Variants in RPS3 observed in about 807,000 individuals in gnomAD.
The protein encoded by RPS3 is ribosomal protein S3.
A neutral mutation model predicts 25.8 loss-of-function variants in RPS3; 2 were observed. The observed-to-expected ratio is 0.08, with a 90% confidence interval of 0.03 to 0.24. The LOEUF (loss-of-function observed/expected upper bound fraction) is 0.24. RPS3 is among the 10% of genes least tolerant of loss of function. The pLI, the probability that RPS3 is intolerant of heterozygous loss-of-function variation, is 1.00. For synonymous variants in RPS3, 114 were observed against 114.2 expected (o/e 1.00, Z 0.01); for missense variants, 107 against 307.1 (o/e 0.35, Z 4.87).
In RPS3 at chr11:75,401,620, T is replaced by A. The variant is rs778912297; in HGVS notation, c.162-20T>A. 2.6e-6 allele frequency: 4 copies of A among 1,527,812 alleles called. No individual in the cohort carries two copies. Among genetic ancestry groups the A allele is most frequent in the Non-Finnish European group, 3.6e-6 (4 of 1,101,426 alleles). 94.6% of individuals were successfully genotyped at this position (1,527,812 alleles called of 1,614,324 possible). ...ATCTAGCATTTGTGAGAATCTTGAATTGTCACTTTTCCCCCCCAGAACACA... is the reference window on the plus strand; with the variant it reads ...ATCTAGCATTTGTGAGAATCTTGAAATGTCACTTTTCCCCCCCAGAACACA... On this transcript the variant is annotated intron_variant, in intron 2 of 6. Coordinates refer to ENST00000531188, the MANE Select transcript of RPS3 (RefSeq NM_001005.5).
chr11:75,401,539 A>G, intron 2 of RPS3, 101 bp from the exon 3 acceptor site: 1 of 838,872 alleles, frequency 1.2e-6, no homozygotes, highest in Non-Finnish European at 1.9e-6. Context: ...AATGAAAATT[A>G]TATGCTTTGT....
At chr11:75,416,437 C>G (rs565016638) in intron 6 of RPS3, among the ~76,000 whole-genome samples, 1 of 129,462 alleles carries the variant, frequency 7.7e-6, no homozygotes, top group South Asian at 3.4e-4. Context: ...TGCCTTGTTC[C>G]ATTTTCCATC....
Position 75,400,709 on chromosome 11 carries a change from A to G in RPS3, c.46A>G (p.Ile16Val). 6.2e-7 allele frequency: 1 copy of G among 1,613,032 alleles called. No homozygotes were observed. Among genetic ancestry groups the G allele is most frequent in the Non-Finnish European group, 8.5e-7 (1 of 1,179,358 alleles). ...SKKRKFVADG[I>V]FKAELNEFLT... ...TTTGGATTAGTTTGTCGCTGATGGC[A>G]TCTTCAAAGCTGAACTGAATGAGTT... Residue 16 changes from isoleucine to valine, a missense_variant, in exon 2 of 7, where the codon ATC becomes GTC. Physicochemically the swap from Ile to Val is conservative, Grantham distance 29. Around this residue, in one of 2 missense-constraint regions of RPS3, gnomAD observed 26 missense variants for 20.4 expected, o/e 1.28. Coordinates refer to ENST00000531188, the MANE Select transcript of RPS3 (RefSeq NM_001005.5).
chr11:75,412,807 C>T (rs1002216041), intron 6 of RPS3, among the ~76,000 whole-genome samples: 9 of 152,346 alleles, frequency 5.9e-5, no homozygotes, highest in South Asian at 2.1e-4. Context: ...CACAGAGTCT[C>T]GCTCTATCGC....
chr11:75,401,313 C>G (rs1565163127), intron 2 of RPS3, among the ~76,000 whole-genome samples: 1 of 152,010 alleles, frequency 6.6e-6, no homozygotes, highest in Non-Finnish European at 1.5e-5. Context: ...CAAGATCAGC[C>G]GGGGCAACAT....
intron 6 of RPS3, among the ~76,000 whole-genome samples, chr11:75,418,134 C>T (rs1211730252): frequency 6.6e-6 from 1 of 152,230 alleles, no homozygotes; most frequent in Non-Finnish European, 1.5e-5. Context: ...ACAGCTGAAG[C>T]TTTGGCTCTG....
chr11:75,419,539 G>A (rs1948426408), intron 6 of RPS3, among the ~76,000 whole-genome samples: 1 of 151,626 alleles, frequency 6.6e-6, no homozygotes, highest in African/African-American at 2.4e-5. Context: ...GGGCAACAGA[G>A]TGAGACTCCT....
chr11:75,409,502 A>G (rs779040007), downstream of RPS3, among the ~76,000 whole-genome samples: 303 of 125,242 alleles, frequency 2.4e-3, no homozygotes, highest in African/African-American at 9.0e-3. Context: ...AGGGTTGGGG[A>G]TAAGGTCACA....
downstream of RPS3, among the ~76,000 whole-genome samples, chr11:75,411,623 C>T (rs1948357142): frequency 6.6e-6 from 1 of 151,130 alleles, no homozygotes; most frequent in Non-Finnish European, 1.5e-5. Flanking sequence ...ATCTCCTGAC[C>T]TCATGATCCA....
downstream of RPS3, among the ~76,000 whole-genome samples, chr11:75,409,001 G>C (rs1388904535): frequency 2.0e-5 from 3 of 151,858 alleles, no homozygotes; most frequent in African/African-American, 7.3e-5. Flanking sequence ...TCTTTTTTGA[G>C]ACAGGGTCTG....
In RPS3 at chr11:75,406,462, G is replaced by C. The variant is rs754445370; in HGVS notation, c.*852G>C. On this transcript the variant is annotated 3_prime_UTR_variant, in exon 7 of 7. Coordinates refer to ENST00000531188, the MANE Select transcript of RPS3 (RefSeq NM_001005.5). Reference sequence around the variant, plus strand: ...CCTGGTGATGCAGCCTGGCTGATGAGATAACCCTGGCTCCACAGATGGCTT... The same window carrying C: ...CCTGGTGATGCAGCCTGGCTGATGACATAACCCTGGCTCCACAGATGGCTT... 10 of 152,258 alleles carry C rather than the reference G, an allele frequency of 6.6e-5. No individual in the cohort carries two copies. The highest frequency in any genetic ancestry group is 1.2e-4 in the Non-Finnish European group (8 of 68,044). 9.4% of individuals were successfully genotyped at this position (152,258 alleles called of 1,614,324 possible). A position where few individuals can be genotyped will look rare whatever the true frequency, so the allele number is the denominator to read the frequency against.
intron 6 of RPS3, among the ~76,000 whole-genome samples, chr11:75,412,401 G>C (rs1472409259): frequency 6.6e-6 from 1 of 152,180 alleles, no homozygotes; most frequent in Non-Finnish European, 1.5e-5. Context: ...CTTCCACAGT[G>C]GGGGCTTGAT....
intron 1 of RPS3, chr11:75,400,271 A>G (rs1948187542): frequency 1.6e-5 from 7 of 439,414 alleles, no homozygotes; most frequent in Admixed American, 1.0e-4. Context: ...GAGAGCTTAT[A>G]TGTTAAGTCT....
chr11:75,421,986 CACT>C (rs1349843734), exon 7 of RPS3: 1 of 152,200 alleles, frequency 6.6e-6, no homozygotes, highest in Non-Finnish European at 1.5e-5. Flanking sequence ...AAAATGCCCA[CACT>C]ACTATTTTGA....
At chr11:75,418,438 A>G (rs919512310) in intron 6 of RPS3, among the ~76,000 whole-genome samples, 1 of 152,236 alleles carries the variant, frequency 6.6e-6, no homozygotes, top group Non-Finnish European at 1.5e-5. Context: ...CAAGATGGAA[A>G]AAAGTTATTT....
chr11:75,399,911 GT>G, intron 1 of RPS3: 1 of 413,124 alleles, frequency 2.4e-6, no homozygotes, highest in Non-Finnish European at 4.3e-6. Flanking sequence ...TTATCCCGTG[GT>G]TTTGGGAAGA....
intron 4 of RPS3, 123 bp downstream of exon 4, chr11:75,402,569 T>C (rs941312944): frequency 1.9e-6 from 2 of 1,026,290 alleles, no homozygotes; most frequent in African/African-American, 3.2e-5. Flanking sequence ...CCCAGGGTTA[T>C]AATAAGATAC....
At chr11:75,405,223 C>T (rs574320762) in intron 6 of RPS3, 5 of 191,304 alleles carry the variant, frequency 2.6e-5, no homozygotes, top group East Asian at 3.0e-4. Context: ...ATTATAGGCA[C>T]CTGCCACCAA....
chr11:75,407,791 G>GAAT (rs1948303963), downstream of RPS3, among the ~76,000 whole-genome samples: 1 of 152,198 alleles, frequency 6.6e-6, no homozygotes, highest in African/African-American at 2.4e-5. Context: ...TAAGTGCTGG[G>GAAT]AATAGGTTAA....
Sources: gnomAD v4.1 joint callset for allele counts (sites outside exome capture counted in the v4.1 genomes callset) on GRCh38, gnomAD v4.1.1 for gene constraint, gnomAD v4.1.1 regional missense constraint, MANE v1.5 for transcripts, NCBI Gene and HGNC (gene_info 2026-07-23, HGNC 2026-07-21) for gene names.